Variants in COL25A1 observed in about 807,000 individuals in gnomAD.
The protein encoded by COL25A1 is collagen type XXV alpha 1 chain.
In COL25A1, 103 loss-of-function variants were observed where a neutral mutation model predicts 128.4. The ratio of observed to expected loss-of-function variants is 0.80; its 90% confidence interval spans 0.68 to 0.94. The LOEUF (loss-of-function observed/expected upper bound fraction) is 0.94. Ranked by LOEUF, COL25A1 falls within the 40% of genes least tolerant of loss-of-function variation. The pLI, the probability that COL25A1 is intolerant of heterozygous loss-of-function variation, is 0.00. For synonymous variants in COL25A1, 279 were observed against 277.2 expected (o/e 1.01, Z -0.06); for missense variants, 745 against 840.0 (o/e 0.89, Z 1.40).
intron 3 of COL25A1, among the ~76,000 whole-genome samples, chr4:109,225,990 T>C (rs1778774633): frequency 7.9e-6 from 1 of 126,380 alleles, no homozygotes; most frequent in African/African-American, 3.1e-5. Context: ...TCCGTTGTAT[T>C]TGTAATACAC....
chr4:108,886,462 G>A (rs901592048), intron 18 of COL25A1, among the ~76,000 whole-genome samples: 12 of 115,574 alleles, frequency 1.0e-4, no homozygotes, highest in African/African-American at 3.5e-4. Flanking sequence ...GTGTGTGTGT[G>A]TGTGTGTGTG....
At chr4:108,847,994 C>T (rs527950309) in intron 27 of COL25A1, among the ~76,000 whole-genome samples, 16 of 152,180 alleles carry the variant, frequency 1.1e-4, no homozygotes, top group African/African-American at 3.9e-4. Flanking sequence ...CCTTTTGATT[C>T]CATTCCAAAT....
intron 6 of COL25A1, among the ~76,000 whole-genome samples, chr4:109,005,066 GAAAAC>G (rs1156997793): frequency 6.6e-6 from 1 of 152,134 alleles, no homozygotes; most frequent in African/African-American, 2.4e-5. Context: ...AATTTACAAA[GAAAAC>G]AGGCTTAACT....
chr4:108,866,456 G>A (rs1167234577), intron 20 of COL25A1, among the ~76,000 whole-genome samples: 2 of 152,124 alleles, frequency 1.3e-5, no homozygotes, highest in Non-Finnish European at 2.9e-5. Context: ...GCCTCCCAAA[G>A]TGCTGGGATT....
At chr4:108,922,694 C>T (rs890151863) in intron 11 of COL25A1, among the ~76,000 whole-genome samples, 3 of 152,096 alleles carry the variant, frequency 2.0e-5, no homozygotes, top group South Asian at 2.1e-4. Context: ...TATATTTTAA[C>T]ACAATATTTA....
chr4:109,118,531 G>A (rs1037977354), intron 3 of COL25A1, among the ~76,000 whole-genome samples: 58 of 151,962 alleles, frequency 3.8e-4, no homozygotes, highest in African/African-American at 1.4e-3. Context: ...TAAAGGTTTT[G>A]AGAAAGATGT....
At chr4:108,944,481 C>T (rs1748498298) in intron 8 of COL25A1, among the ~76,000 whole-genome samples, 1 of 152,064 alleles carries the variant, frequency 6.6e-6, no homozygotes, top group South Asian at 2.1e-4. Flanking sequence ...AACAAGAAGT[C>T]TATGAGGGAT....
intron 3 of COL25A1, among the ~76,000 whole-genome samples, chr4:109,052,840 G>T (rs764191440): frequency 2.8e-4 from 43 of 152,144 alleles, no homozygotes; most frequent in Non-Finnish European, 1.2e-4. Context: ...CAAAACTGAT[G>T]TTAACAATTG....
At chr4:109,216,766 A>G (rs1439348554) in intron 3 of COL25A1, among the ~76,000 whole-genome samples, 1 of 152,198 alleles carries the variant, frequency 6.6e-6, no homozygotes, top group African/African-American at 2.4e-5. Flanking sequence ...TATTGTTTTA[A>G]GCCACAGTTT....
intron 3 of COL25A1, among the ~76,000 whole-genome samples, chr4:109,190,311 A>C (rs1775497049): frequency 6.6e-6 from 1 of 152,330 alleles, no homozygotes; most frequent in South Asian, 2.1e-4. Context: ...TTTTAAGCAA[A>C]ATTTAAGAGA....
At chr4:109,033,612 G>A (rs1390519679) in intron 5 of COL25A1, among the ~76,000 whole-genome samples, 1 of 152,030 alleles carries the variant, frequency 6.6e-6, no homozygotes, top group Non-Finnish European at 1.5e-5. Context: ...CCTATTTTTT[G>A]GTGTAGGAAA....
At chr4:108,909,221 ATGGAGT>A (rs1379994405) in intron 13 of COL25A1, among the ~76,000 whole-genome samples, 2 of 152,194 alleles carry the variant, frequency 1.3e-5, no homozygotes, top group African/African-American at 2.4e-5. Context: ...TAAAAGCAAG[ATGGAGT>A]TGGTTGAGTC....
intron 16 of COL25A1, among the ~76,000 whole-genome samples, chr4:108,892,348 T>C (rs532964378): frequency 1.1e-4 from 16 of 152,340 alleles, no homozygotes; most frequent in African/African-American, 3.8e-4. Flanking sequence ...CCATTTTTGT[T>C]TGTGATTATT....
intron 14 of COL25A1, among the ~76,000 whole-genome samples, chr4:108,900,349 G>A (rs1742687348): frequency 6.6e-6 from 1 of 152,264 alleles, no homozygotes; most frequent in South Asian, 2.1e-4. Flanking sequence ...ATAAATTTCA[G>A]GTCTGTCCTA....
chr4:108,893,454 G>T (rs1741760326), intron 16 of COL25A1, among the ~76,000 whole-genome samples: 1 of 152,100 alleles, frequency 6.6e-6, no homozygotes, highest in Non-Finnish European at 1.5e-5. Context: ...TCCGTCTTTG[G>T]CAGGTTTACG....
intron 8 of COL25A1, among the ~76,000 whole-genome samples, chr4:108,950,946 A>C (rs1749349997): frequency 6.6e-6 from 1 of 152,194 alleles, no homozygotes; most frequent in African/African-American, 2.4e-5. Context: ...TGAGGACTGG[A>C]GTAAGACTCC....
chr4:109,019,371 C>CATATATATAT (rs1183525991), intron 5 of COL25A1, among the ~76,000 whole-genome samples: 395 of 8,762 alleles, frequency 0.045, 6 homozygotes, highest in Admixed American at 0.068. Flanking sequence ...CACACACACA[C>CATATATATAT]ACACATATAT....
chr4:109,284,894 T>C (rs1420556245), intron 3 of COL25A1, among the ~76,000 whole-genome samples: 8 of 149,678 alleles, frequency 5.3e-5, no homozygotes, highest in African/African-American at 1.7e-4. Flanking sequence ...CTTAACAGCA[T>C]GTATAAAAAA....
intron 36 of COL25A1, among the ~76,000 whole-genome samples, chr4:108,819,024 A>T (rs907936642): frequency 9.2e-5 from 14 of 152,338 alleles, no homozygotes; most frequent in African/African-American, 3.4e-4. Context: ...AAAGGTGGTC[A>T]TGTCAGTTGT....
Sources: allele counts gnomAD v4.1 joint callset (sites outside exome capture counted in the v4.1 genomes callset), GRCh38; gene constraint gnomAD v4.1.1; transcripts MANE v1.5; gene names NCBI Gene and HGNC (gene_info 2026-07-23, HGNC 2026-07-21).